Variants in RNF6 observed in about 807,000 individuals in gnomAD.
The protein encoded by RNF6 is ring finger protein 6, also known as E3 ubiquitin-protein ligase RNF6.
In RNF6, 21 loss-of-function variants were observed where a neutral mutation model predicts 50.1. The observed-to-expected ratio is 0.42, with a 90% confidence interval of 0.30 to 0.60. The LOEUF is 0.60. Ranked by LOEUF, RNF6 falls within the 20% of genes least tolerant of loss-of-function variation. RNF6 has a pLI of 0.20. For missense variants in RNF6, 698 were observed against 838.2 expected, an observed-to-expected ratio of 0.83 and a Z score of 2.07; for synonymous variants, 255 against 291.8, an observed-to-expected ratio of 0.87 and a Z score of 1.29.
intron 5 of RNF6, among the ~76,000 whole-genome samples, chr13:26,161,419 G>C (rs1487327683): frequency 1.3e-5 from 2 of 152,270 alleles, no homozygotes; most frequent in East Asian, 3.9e-4. Flanking sequence ...GGGTAAAGTT[G>C]ACCTTCACAC....
intron 5 of RNF6, among the ~76,000 whole-genome samples, chr13:26,154,854 AC>A (rs1315761202): frequency 6.6e-6 from 1 of 152,064 alleles, no homozygotes; most frequent in African/African-American, 2.4e-5. Flanking sequence ...ACATGGCAAA[AC>A]CCTGTCTCTA....
chr13:26,191,728 A>G (rs988539714), intron 5 of RNF6, among the ~76,000 whole-genome samples: 11 of 152,176 alleles, frequency 7.2e-5, no homozygotes, highest in Non-Finnish European at 1.5e-4. Flanking sequence ...AGTCAAATAA[A>G]CCTCTTTATA....
chr13:26,163,277 A>G (rs1872301447), intron 5 of RNF6, among the ~76,000 whole-genome samples: 1 of 151,086 alleles, frequency 6.6e-6, no homozygotes, highest in South Asian at 2.1e-4. Flanking sequence ...GCGCCATTGC[A>G]CTCCAGCCTG....
chr13:26,200,405 C>CT (rs3030059), intron 5 of RNF6, among the ~76,000 whole-genome samples: 4 of 107,394 alleles, frequency 3.7e-5, no homozygotes, highest in African/African-American at 1.4e-4. Flanking sequence ...GTTTGAAATT[C>CT]TTTTTTTTTT....
chr13:26,218,276 T>A (rs1870101049), intron 4 of RNF6, among the ~76,000 whole-genome samples: 1 of 152,232 alleles, frequency 6.6e-6, no homozygotes, highest in African/African-American at 2.4e-5. Context: ...TAATTGTATA[T>A]TATTACATAA....
intron 5 of RNF6, among the ~76,000 whole-genome samples, chr13:26,188,128 C>G (rs528935309): frequency 2.0e-5 from 3 of 152,268 alleles, no homozygotes; most frequent in African/African-American, 7.2e-5. Context: ...CCATCCAGAC[C>G]ATCACAACTG....
At position 26,214,539 on chromosome 13, in the gene RNF6, A is replaced by G. The variant is rs1235769865; in HGVS notation, c.1343T>C (p.Leu448Ser). The G allele has an allele frequency of 5.0e-6, 8 of 1,614,046 alleles. No individual in the cohort carries two copies. Among genetic ancestry groups the G allele is most frequent in the Non-Finnish European group, 6.8e-6 (8 of 1,180,042 alleles). ...SGGFRRTISR[L>S]ERSGIRTYVS... ...ATAGGTTCGAATACCTGACCGCTCT[A>G]AACGAGAAATGGTTCGGCGAAAGCC... Residue 448 changes from leucine (L) to serine (S), a missense_variant, in exon 5 of 5, where the codon TTA becomes TCA. Coordinates refer to ENST00000381588, the MANE Select transcript of RNF6 (RefSeq NM_005977.4).
At position 26,214,606 on chromosome 13, in the gene RNF6, C is replaced by T; in HGVS notation, c.1276G>A (p.Gly426Arg). ...SIANRTRSRV[G>R]LAENTVTIES... is the part of the protein sequence containing the mutation. Reference sequence around the variant, plus strand: ...ATAGTGACTGTATTTTCTGCTAGCCCTACTCTGGATCGAGTTCTATTTGCA... The same window carrying T: ...ATAGTGACTGTATTTTCTGCTAGCCTTACTCTGGATCGAGTTCTATTTGCA... The change falls in exon 5 of 5, where the codon GGG becomes AGG. Residue 426 changes from glycine to arginine, a missense_variant. Gly to Arg is a moderately radical substitution (Grantham distance 125, BLOSUM62 -2). Transcript: ENST00000381588. The T allele has an allele frequency of 6.2e-7, 1 of 1,614,196 alleles. No homozygotes were observed. Among genetic ancestry groups the T allele is most frequent in the African/African-American group, 1.3e-5 (1 of 75,054 alleles).
chr13:26,175,159 C>T (rs1872891294), intron 5 of RNF6, among the ~76,000 whole-genome samples: 1 of 152,148 alleles, frequency 6.6e-6, no homozygotes, highest in Non-Finnish European at 1.5e-5. Context: ...CGGCTCACTG[C>T]AACCTCCACC....
chr13:26,147,984 A>G (rs1261128844), intron 5 of RNF6, among the ~76,000 whole-genome samples: 2 of 152,216 alleles, frequency 1.3e-5, no homozygotes, highest in Non-Finnish European at 2.9e-5. Context: ...CCATTTTCAC[A>G]CTGCTATAAA....
intron 5 of RNF6, among the ~76,000 whole-genome samples, chr13:26,177,614 T>A (rs1873024212): frequency 6.6e-6 from 1 of 152,206 alleles, no homozygotes; most frequent in Admixed American, 6.5e-5. Flanking sequence ...CTCTTCCACC[T>A]TACATTTCCT....
chr13:26,216,299 T>C (rs1436029087), intron 4 of RNF6, among the ~76,000 whole-genome samples: 1 of 152,202 alleles, frequency 6.6e-6, no homozygotes, highest in Non-Finnish European at 1.5e-5. Context: ...ATAATTAGCA[T>C]AATATCTGGC....
intron 5 of RNF6, among the ~76,000 whole-genome samples, chr13:26,190,285 T>G (rs982806846): frequency 1.3e-5 from 2 of 152,198 alleles, no homozygotes; most frequent in African/African-American, 4.8e-5. Flanking sequence ...TCTCCCTATT[T>G]TAAGATTTTT....
intron 5 of RNF6, among the ~76,000 whole-genome samples, chr13:26,193,339 A>G (rs764061218): frequency 5.9e-5 from 9 of 152,206 alleles, no homozygotes; most frequent in Non-Finnish European, 1.0e-4. Context: ...GATTGAGAAG[A>G]GGTCAGTAAT....
At chr13:26,159,478 A>T (rs1872100436) in intron 5 of RNF6, among the ~76,000 whole-genome samples, 1 of 151,980 alleles carries the variant, frequency 6.6e-6, no homozygotes, top group African/African-American at 2.4e-5. Flanking sequence ...ACAAAAAATT[A>T]ACCGGGCATG....
chr13:26,144,782 G>T (rs1871143166), intron 5 of RNF6: 1 of 152,294 alleles, frequency 6.6e-6, no homozygotes, highest in Admixed American at 6.5e-5. Context: ...GAGCAAGAAG[G>T]CAGTGTAGCA....
intron 5 of RNF6, among the ~76,000 whole-genome samples, chr13:26,145,710 T>A (rs986982960): frequency 1.3e-5 from 2 of 152,214 alleles, no homozygotes; most frequent in Non-Finnish European, 2.9e-5. Context: ...CTCAGGTATG[T>A]CTCTATACCA....
chr13:26,138,693 A>G (rs1373484665), intron 5 of RNF6, among the ~76,000 whole-genome samples: 2 of 152,216 alleles, frequency 1.3e-5, no homozygotes, highest in Non-Finnish European at 2.9e-5. Context: ...ATAAATTAAG[A>G]TTAAGATGCT....
At chr13:26,204,511 A>G (rs936869160) in intron 5 of RNF6, among the ~76,000 whole-genome samples, 4 of 151,270 alleles carry the variant, frequency 2.6e-5, no homozygotes, top group South Asian at 4.2e-4. Flanking sequence ...AAAAAAAAAA[A>G]AAAAGAAAGA....
Sources: allele counts gnomAD v4.1 joint callset (sites outside exome capture counted in the v4.1 genomes callset), GRCh38; gene constraint gnomAD v4.1.1; transcripts MANE v1.5; gene names NCBI Gene and HGNC (gene_info 2026-07-23, HGNC 2026-07-21).